Variants in ANO3 observed in about 807,000 individuals in gnomAD.
The protein encoded by ANO3 is anoctamin 3.
ANO3 carries 99 observed loss-of-function variants against 144.8 expected under a neutral mutation model. The ratio of observed to expected loss-of-function variants is 0.68; its 90% confidence interval spans 0.58 to 0.81. ANO3 has a LOEUF of 0.81. ANO3 is among the 30% of genes least tolerant of loss of function. The pLI is 0.00. For missense variants in ANO3, 905 were observed against 1,202.2 expected, an observed-to-expected ratio of 0.75 and a Z score of 3.66; for synonymous variants, 414 against 392.6, an observed-to-expected ratio of 1.05 and a Z score of -0.64.
At chr11:26,277,677 C>G (rs1397998523) in intron 1 of ANO3, among the ~76,000 whole-genome samples, 1 of 151,532 alleles carries the variant, frequency 6.6e-6, no homozygotes, top group East Asian at 1.9e-4. Flanking sequence ...TTTCCTTTTT[C>G]TTTCTTTTCT....
chr11:26,312,518 C>CT (rs1284089359), intron 1 of ANO3, among the ~76,000 whole-genome samples: 1 of 152,166 alleles, frequency 6.6e-6, no homozygotes, highest in Non-Finnish European at 1.5e-5. Flanking sequence ...TGTTTCTTGA[C>CT]TTTTTAATGA....
intron 13 of ANO3, among the ~76,000 whole-genome samples, chr11:26,554,263 A>C (rs1397126024): frequency 2.0e-5 from 3 of 152,160 alleles, no homozygotes; most frequent in African/African-American, 7.2e-5. Flanking sequence ...ATTTATCAAT[A>C]GATCATTTTT....
chr11:26,223,688 T>C (rs1445502836), intron 1 of ANO3, among the ~76,000 whole-genome samples: 2 of 151,562 alleles, frequency 1.3e-5, no homozygotes, highest in African/African-American at 2.4e-5. Flanking sequence ...AAGCTGTACA[T>C]GAAGCATGGC....
intron 26 of ANO3, among the ~76,000 whole-genome samples, chr11:26,657,678 C>CA (rs11428583): frequency 0.38 from 57,077 of 151,460 alleles, 11,889 homozygotes; most frequent in South Asian, 0.49. Flanking sequence ...TGTTTGTTTA[C>CA]AAAAAAAATA....
chr11:26,617,690 A>G (rs931014839), intron 17 of ANO3, among the ~76,000 whole-genome samples: 3 of 152,196 alleles, frequency 2.0e-5, no homozygotes, highest in African/African-American at 4.8e-5. Context: ...TGCTTTTGCA[A>G]CTAACTCAGG....
At chr11:26,603,036 T>C (rs1231623557) in intron 17 of ANO3, among the ~76,000 whole-genome samples, 3 of 152,204 alleles carry the variant, frequency 2.0e-5, no homozygotes, top group East Asian at 3.8e-4. Context: ...AGTCTTATCA[T>C]AGGCACCGTA....
At chr11:26,583,574 C>T (rs1342626434) in intron 14 of ANO3, among the ~76,000 whole-genome samples, 3 of 152,192 alleles carry the variant, frequency 2.0e-5, no homozygotes, top group Non-Finnish European at 4.4e-5. Context: ...ATGTAGAGAA[C>T]TCCATGCATT....
At chr11:26,610,491 G>A (rs1852068591) in intron 17 of ANO3, among the ~76,000 whole-genome samples, 1 of 151,738 alleles carries the variant, frequency 6.6e-6, no homozygotes, top group Admixed American at 6.6e-5. Context: ...CTCCCATTCT[G>A]TTGTTTCCTT....
intron 4 of ANO3, among the ~76,000 whole-genome samples, chr11:26,502,646 C>T (rs1176317434): frequency 6.6e-6 from 1 of 152,062 alleles, no homozygotes; most frequent in Non-Finnish European, 1.5e-5. Context: ...TCTGGATACA[C>T]TCTGACATTC....
intron 17 of ANO3, among the ~76,000 whole-genome samples, chr11:26,613,128 A>G (rs1281905579): frequency 6.6e-6 from 1 of 152,136 alleles, no homozygotes; most frequent in African/African-American, 2.4e-5. Flanking sequence ...ATAATCCTAT[A>G]ATGGGAACAT....
intron 1 of ANO3, among the ~76,000 whole-genome samples, chr11:26,229,746 A>G (rs891131663): frequency 4.0e-5 from 6 of 151,518 alleles, no homozygotes; most frequent in African/African-American, 1.4e-4. Flanking sequence ...TACATCAACA[A>G]GAAGTTAGAA....
chr11:26,285,111 T>G (rs1853775240), intron 1 of ANO3, among the ~76,000 whole-genome samples: 3 of 152,256 alleles, frequency 2.0e-5, no homozygotes, highest in South Asian at 2.1e-4. Flanking sequence ...TTTTTTTTAA[T>G]TATGGTAAGG....
At chr11:26,247,977 C>T (rs969089238) in intron 1 of ANO3, among the ~76,000 whole-genome samples, 3 of 151,798 alleles carry the variant, frequency 2.0e-5, no homozygotes, top group Admixed American at 1.3e-4. Context: ...GTGATCCGCC[C>T]GCCTCGGCCT....
At chr11:26,414,164 T>C (rs1040500755) in intron 1 of ANO3, among the ~76,000 whole-genome samples, 2 of 152,072 alleles carry the variant, frequency 1.3e-5, no homozygotes, top group Non-Finnish European at 2.9e-5. Context: ...AGTTAAACCA[T>C]TGTGGACGAT....
intron 1 of ANO3, among the ~76,000 whole-genome samples, chr11:26,235,851 G>C (rs1006804280): frequency 6.6e-6 from 1 of 151,898 alleles, no homozygotes; most frequent in Non-Finnish European, 1.5e-5. Flanking sequence ...TTATATAAAC[G>C]AAGTATATAC....
chr11:26,475,363 T>A (rs911626631), intron 4 of ANO3, among the ~76,000 whole-genome samples: 12 of 152,008 alleles, frequency 7.9e-5, no homozygotes, highest in Admixed American at 2.0e-4. Flanking sequence ...TTGAAAAAAA[T>A]TAATCTAGCT....
intron 8 of ANO3, 73 bp downstream of exon 8, chr11:26,531,409 T>G (rs1207142725): frequency 6.8e-7 from 1 of 1,477,874 alleles, no homozygotes; most frequent in Non-Finnish European, 9.1e-7. Flanking sequence ...TAAAAACACC[T>G]GGGACCATTT....
chr11:26,621,584 T>C (rs1852417014), intron 17 of ANO3, among the ~76,000 whole-genome samples: 1 of 152,126 alleles, frequency 6.6e-6, no homozygotes, highest in Non-Finnish European at 1.5e-5. Context: ...AAACTCTCTA[T>C]CCGCTCTGCC....
At chr11:26,400,717 CAT>C (rs1001658561) in intron 1 of ANO3, among the ~76,000 whole-genome samples, 13 of 151,334 alleles carry the variant, frequency 8.6e-5, no homozygotes, top group East Asian at 7.8e-4. Context: ...CATACATATA[CAT>C]ATATATATGT....
Sources: gnomAD v4.1 joint callset for allele counts (sites outside exome capture counted in the v4.1 genomes callset) on GRCh38, gnomAD v4.1.1 for gene constraint, MANE v1.5 for transcripts, NCBI Gene and HGNC (gene_info 2026-07-23, HGNC 2026-07-21) for gene names.